The following FHOD3 variants were observed in gnomAD, a reference collection of about 807,000 sequenced individuals.
FHOD3 encodes formin homology 2 domain containing 3.
FHOD3 carries 90 observed loss-of-function variants against 173.0 expected under a neutral mutation model. The observed-to-expected ratio is 0.52, with a 90% CI of 0.44 to 0.62. The LOEUF is 0.62. Ranked by LOEUF, FHOD3 falls within the 20% of genes least tolerant of loss-of-function variation. The pLI is 0.00. For synonymous variants in FHOD3, 828 were observed against 823.0 expected (o/e 1.01, Z -0.10); for missense variants, 1,945 against 2,034.7 (o/e 0.96, Z 0.85).
intron 5 of FHOD3, among the ~76,000 whole-genome samples, chr18:36,512,966 C>T (rs1311394300): frequency 6.6e-6 from 1 of 152,154 alleles, no homozygotes. Flanking sequence ...GGGCTTTTGT[C>T]AAAGTGCATA....
intron 3 of FHOD3, among the ~76,000 whole-genome samples, chr18:36,414,569 C>A (rs2049526262): frequency 6.6e-6 from 1 of 152,212 alleles, no homozygotes; most frequent in African/African-American, 2.4e-5. Flanking sequence ...CACTTGTCCA[C>A]CCGCATCAAC....
chr18:36,323,451 T>C (rs916383801), intron 1 of FHOD3, among the ~76,000 whole-genome samples: 8 of 152,246 alleles, frequency 5.3e-5, no homozygotes, highest in South Asian at 2.1e-4. Flanking sequence ...TTGGGGGTCA[T>C]AGCCCCAGGC....
chr18:36,347,757 A>G (rs1040710740), intron 1 of FHOD3, among the ~76,000 whole-genome samples: 3 of 152,238 alleles, frequency 2.0e-5, no homozygotes, highest in Admixed American at 2.0e-4. Flanking sequence ...GCCAATAGGA[A>G]CTACTTTCTT....
intron 3 of FHOD3, among the ~76,000 whole-genome samples, chr18:36,410,076 T>C (rs2049277204): frequency 6.6e-6 from 1 of 152,180 alleles, no homozygotes; most frequent in South Asian, 2.1e-4. Context: ...TTTAATATTG[T>C]CACAGAGTTA....
chr18:36,717,754 C>T, intron 18 of FHOD3, 78 bp from the exon 19 acceptor site: 14 of 1,507,384 alleles, frequency 9.3e-6, no homozygotes, highest in South Asian at 1.4e-5. Flanking sequence ...GTGTCAGGCT[C>T]ACTTATTCTC....
At position 36,717,992 on chromosome 18, in the gene FHOD3, G is replaced by A. The variant is rs2040553173; in HGVS notation, c.2694G>A (p.Glu898=). 1 of 1,612,858 alleles carries A rather than the reference G, an allele frequency of 6.2e-7. No homozygotes were observed. Among genetic ancestry groups the A allele is most frequent in the Admixed American group, 1.7e-5 (1 of 59,854 alleles). ...GGGAGGCTGGGAGGACCCAGCAGGA[G>A]GCAGAGGCGGTAGCCAGCCTTGCTA... ...GDGEAGRTQQ[E]AEAVASLATR... The change falls in exon 19 of 29, where the codon GAG becomes GAA. Residue 898 remains glutamate (E), a synonymous_variant. Coordinates refer to ENST00000590592, the MANE Select transcript of FHOD3 (RefSeq NM_001281740.3).
At chr18:36,517,562 A>G (rs2056059613) in intron 5 of FHOD3, among the ~76,000 whole-genome samples, 4 of 152,236 alleles carry the variant, frequency 2.6e-5, no homozygotes. Flanking sequence ...GTAACTCAAG[A>G]GAAACTGCCT....
At chr18:36,646,302 T>C (rs758043067) in intron 10 of FHOD3, among the ~76,000 whole-genome samples, 3 of 152,122 alleles carry the variant, frequency 2.0e-5, no homozygotes, top group Non-Finnish European at 4.4e-5. Flanking sequence ...AGCATCCAAA[T>C]TTATACCTAA....
chr18:36,543,233 A>C (rs1485991665), intron 5 of FHOD3, among the ~76,000 whole-genome samples: 1 of 150,658 alleles, frequency 6.6e-6, no homozygotes, highest in Non-Finnish European at 1.5e-5. Context: ...AGTTTCTTAA[A>C]TCTATATATA....
At chr18:36,586,607 G>A (rs1424201136) in intron 6 of FHOD3, among the ~76,000 whole-genome samples, 2 of 151,874 alleles carry the variant, frequency 1.3e-5, no homozygotes, top group African/African-American at 4.8e-5. Context: ...TCCTGCCTCA[G>A]CCACCTGAGT....
At chr18:36,437,952 G>A (rs747805381) in intron 3 of FHOD3, among the ~76,000 whole-genome samples, 25 of 152,010 alleles carry the variant, frequency 1.6e-4, no homozygotes, top group African/African-American at 6.0e-4. Context: ...ATGAGCCACC[G>A]CGCCTGGCCG....
chr18:36,748,102 G>C (rs1439647712), intron 24 of FHOD3, among the ~76,000 whole-genome samples: 3 of 151,944 alleles, frequency 2.0e-5, no homozygotes, highest in Non-Finnish European at 4.4e-5. Flanking sequence ...TTTAAAGTTG[G>C]ACGGGACAAA....
chr18:36,415,241 T>C (rs1454763824), intron 3 of FHOD3, among the ~76,000 whole-genome samples: 3 of 152,238 alleles, frequency 2.0e-5, no homozygotes, highest in Non-Finnish European at 4.4e-5. Flanking sequence ...TTAGTGCTAA[T>C]TCACTTTTCA....
chr18:36,645,431 A>T (rs1395381246), intron 10 of FHOD3, among the ~76,000 whole-genome samples: 27 of 152,102 alleles, frequency 1.8e-4, no homozygotes, highest in Admixed American at 1.8e-3. Flanking sequence ...CTGTCTCAAA[A>T]AAAAAGGAAG....
chr18:36,652,882 C>T lies in FHOD3; in HGVS notation c.1599C>T (p.Ser533=), dbSNP rs1434454623. 6.5e-7 allele frequency: 1 copy of T among 1,535,608 alleles called. No individual in the cohort carries two copies. Among genetic ancestry groups the T allele is most frequent in the Non-Finnish European group, 8.7e-7 (1 of 1,146,560 alleles). The change falls in exon 12 of 29, where the codon TCC becomes TCT. Residue 533 remains serine, a synonymous_variant. Transcript: ENST00000590592. ...TCTTCTCCTATGACTTTGAGGACTC[C>T]TCCCTGTCCACCAAGGAGAAGGAAG... ...FHLFSYDFED[S]SLSTKEKEAE...
intron 5 of FHOD3, among the ~76,000 whole-genome samples, chr18:36,542,083 G>A (rs1332809410): frequency 6.6e-6 from 1 of 152,130 alleles, no homozygotes; most frequent in African/African-American, 2.4e-5. Flanking sequence ...TTATAACAAT[G>A]GAATTAAAAG....
At chr18:36,672,034 C>A (rs142535709) in intron 14 of FHOD3, among the ~76,000 whole-genome samples, 1 of 152,298 alleles carries the variant, frequency 6.6e-6, no homozygotes, top group East Asian at 1.9e-4. Flanking sequence ...GGCAAAGGAA[C>A]TAGACTTCTT....
At chr18:36,722,767 A>G (rs2040854347) in intron 19 of FHOD3, among the ~76,000 whole-genome samples, 1 of 152,118 alleles carries the variant, frequency 6.6e-6, no homozygotes, top group South Asian at 2.1e-4. Context: ...ACTCTCAAGT[A>G]CAACCAAGGT....
intron 5 of FHOD3, among the ~76,000 whole-genome samples, chr18:36,534,217 A>G (rs12970933): frequency 0.22 from 33,324 of 152,124 alleles, 4,205 homozygotes; most frequent in East Asian, 0.54. Flanking sequence ...TGCTTCTCCT[A>G]TGTGGTTTAG....
Sources: gnomAD v4.1 joint callset for allele counts (sites outside exome capture counted in the v4.1 genomes callset) on GRCh38, gnomAD v4.1.1 for gene constraint, MANE v1.5 for transcripts, NCBI Gene and HGNC (gene_info 2026-07-23, HGNC 2026-07-21) for gene names.